Variants in STAMBPL1 observed in about 807,000 individuals in gnomAD.
STAMBPL1 encodes the protein AMSH-like protease.
STAMBPL1 carries 44 observed loss-of-function variants against 52.9 expected under a neutral mutation model. The ratio of observed to expected loss-of-function variants is 0.83; its 90% CI spans 0.65 to 1.07. The LOEUF is 1.07. Ranked by LOEUF, STAMBPL1 falls within the 50% of genes least tolerant of loss-of-function variation. The pLI, the probability that STAMBPL1 is intolerant of heterozygous loss-of-function variation, is 0.00. For missense variants in STAMBPL1, 511 were observed against 520.8 expected (o/e 0.98, Z 0.18); for synonymous variants, 164 against 177.3 (o/e 0.92, Z 0.60).
intron 5 of STAMBPL1, among the ~76,000 whole-genome samples, chr10:88,911,391 G>A (rs1197199800): frequency 6.6e-6 from 1 of 152,166 alleles, no homozygotes; most frequent in Non-Finnish European, 1.5e-5. Context: ...TAATGATGTA[G>A]GCCTTAGAAA....
At chr10:88,897,803 A>G (rs996412470) in intron 1 of STAMBPL1, among the ~76,000 whole-genome samples, 7 of 152,180 alleles carry the variant, frequency 4.6e-5, no homozygotes, top group Non-Finnish European at 8.8e-5. Context: ...TGTGCTTTGT[A>G]GCACTTTGGA....
chr10:88,901,961 A>G (rs1844953751), intron 2 of STAMBPL1, among the ~76,000 whole-genome samples: 1 of 152,252 alleles, frequency 6.6e-6, no homozygotes, highest in Admixed American at 6.5e-5. Context: ...ATTTTAGTTT[A>G]TCTAGCTAGA....
At chr10:88,882,127 C>T (rs1844420360) in intron 1 of STAMBPL1, 1 of 152,212 alleles carries the variant, frequency 6.6e-6, no homozygotes, top group Non-Finnish European at 1.5e-5. Context: ...TTCTTATCCT[C>T]ACCTATAAAG....
At chr10:88,909,892 C>T (rs1845173894) in intron 4 of STAMBPL1, among the ~76,000 whole-genome samples, 1 of 152,138 alleles carries the variant, frequency 6.6e-6, no homozygotes, top group South Asian at 2.1e-4. Context: ...TGAGCCACCG[C>T]ACCCAGCCAA....
chr10:88,907,498 C>T (rs993339635), intron 3 of STAMBPL1, among the ~76,000 whole-genome samples: 9 of 152,216 alleles, frequency 5.9e-5, no homozygotes, highest in Non-Finnish European at 1.2e-4. Context: ...TTTTCACCTT[C>T]TGCTCTGATC....
chr10:88,923,074 A>C, intron 10 of STAMBPL1, 94 bp from the exon 11 acceptor site: 1 of 829,506 alleles, frequency 1.2e-6, no homozygotes, highest in Non-Finnish European at 1.9e-6. Flanking sequence ...ACAAATTAAA[A>C]TTAGGAAATC....
chr10:88,883,429 A>C (rs1473545456), intron 1 of STAMBPL1, among the ~76,000 whole-genome samples: 1 of 152,246 alleles, frequency 6.6e-6, no homozygotes, highest in Non-Finnish European at 1.5e-5. Flanking sequence ...CTATCTGAAC[A>C]TGTGAACTGT....
At chr10:88,908,604 CAT>C (rs1160528658) in intron 3 of STAMBPL1, 96 bp from the exon 4 acceptor site, 3 of 959,124 alleles carry the variant, frequency 3.1e-6, no homozygotes, top group Admixed American at 2.5e-5. Flanking sequence ...AGTTATTAAA[CAT>C]GTCATTTTTG....
chr10:88,897,310 T>C (rs977696238), intron 1 of STAMBPL1, among the ~76,000 whole-genome samples: 2 of 152,152 alleles, frequency 1.3e-5, no homozygotes, highest in African/African-American at 4.8e-5. Context: ...ATATGTATGG[T>C]TCTGACACCA....
chr10:88,919,611 T>C (rs531714211), intron 8 of STAMBPL1, among the ~76,000 whole-genome samples: 1 of 152,300 alleles, frequency 6.6e-6, no homozygotes, highest in African/African-American at 2.4e-5. Flanking sequence ...GACGGCTCTA[T>C]TTTACAAAGA....
At chr10:88,900,386 A>G (rs959161371) in intron 1 of STAMBPL1, among the ~76,000 whole-genome samples, 3 of 152,242 alleles carry the variant, frequency 2.0e-5, no homozygotes, top group Non-Finnish European at 4.4e-5. Context: ...GTGGTGATAC[A>G]GAGCTTGACC....
At chr10:88,889,693 C>A (rs183193337) in intron 1 of STAMBPL1, among the ~76,000 whole-genome samples, 94 of 152,208 alleles carry the variant, frequency 6.2e-4, no homozygotes, top group Admixed American at 1.2e-3. Context: ...TTTTATACAA[C>A]CTTTACCCTG....
rs542054019 is a variant in STAMBPL1, at chr10:88,884,611, C to T, written c.-54+3973C>T. On this transcript the variant is annotated intron_variant, in intron 1 of 10. Transcript: ENST00000371926. ...TGTGAAAGAGATTGAAAACCTGTGG[C>T]ACAAGTGTGATCACTAATACCTTCC... 2.9e-4 allele frequency among the ~76,000 whole-genome samples: 44 copies of T among 152,302 alleles called. No individual in the cohort carries two copies. The Middle Eastern group carries it at 0.01, about 35-fold the overall frequency.
chr10:88,903,975 C>G (rs1185722826), intron 2 of STAMBPL1, among the ~76,000 whole-genome samples: 1 of 152,192 alleles, frequency 6.6e-6, no homozygotes, highest in African/African-American at 2.4e-5. Flanking sequence ...CAAAGTAGAC[C>G]AGATGGCATT....
At chr10:88,892,257 G>A (rs773121925) in intron 1 of STAMBPL1, among the ~76,000 whole-genome samples, 8 of 151,992 alleles carry the variant, frequency 5.3e-5, no homozygotes, top group Admixed American at 2.6e-4. Context: ...AAACATCCTG[G>A]GCTGGAGATC....
chr10:88,890,839 C>T (rs576430193), intron 1 of STAMBPL1, among the ~76,000 whole-genome samples: 2 of 152,342 alleles, frequency 1.3e-5, no homozygotes, highest in African/African-American at 4.8e-5. Context: ...TCTTTCACTG[C>T]TCTTCAGTTT....
At chr10:88,893,966 C>T (rs867184564) in intron 1 of STAMBPL1, 5 of 152,068 alleles carry the variant, frequency 3.3e-5, no homozygotes, top group Admixed American at 1.3e-4. Context: ...CCCTGAACTC[C>T]TGTGCACTTA....
Position 88,922,433 on chromosome 10 carries a change from C to T in STAMBPL1, c.1251C>T (p.Phe417=). The T allele has an allele frequency of 6.2e-7, 1 of 1,612,614 alleles. No individual in the cohort carries two copies. The highest frequency in any genetic ancestry group is 1.1e-5 in the South Asian group (1 of 91,058). The change falls in exon 10 of 11, where the codon TTC becomes TTT. Residue 417 remains phenylalanine (F), a synonymous_variant. Coordinates refer to ENST00000371926, the MANE Select transcript of STAMBPL1 (RefSeq NM_020799.4). ...FHPHTKEPRL[F]SICKHVLVKD... is the part of the protein sequence containing the mutation. The stretch of plus-strand genomic sequence containing the variant: ...CACACACCAAGGAGCCCAGGCTGTT[C>T]AGTGTGAGTACATCATATTAGTTAT...
rs1342594073 is a variant in STAMBPL1 at position 88,921,279 on chromosome 10, A to G, written c.1042-4A>G. On this transcript the variant is annotated splice_polypyrimidine_tract_variant and splice_region_variant and intron_variant, in intron 8 of 10. Coordinates refer to ENST00000371926, the MANE Select transcript of STAMBPL1 (RefSeq NM_020799.4). ...AGTAAGATTATCTTATTTTCTATTT[A>G]TAGACACATCCCACTCAAACTGCAT... 1.9e-6 allele frequency: 3 copies of G among 1,609,084 alleles called. No individual in the cohort carries two copies. The highest frequency in any genetic ancestry group is 2.6e-6 in the Non-Finnish European group (3 of 1,176,470).
Sources: allele counts gnomAD v4.1 joint callset (sites outside exome capture counted in the v4.1 genomes callset), GRCh38; gene constraint gnomAD v4.1.1; transcripts MANE v1.5; gene names NCBI Gene and HGNC (gene_info 2026-07-23, HGNC 2026-07-21).